NRG3: variants seen among roughly 807,000 people sequenced by gnomAD.
NRG3 encodes the protein pro-neuregulin-3, membrane-bound isoform.
In NRG3, 31 loss-of-function variants were observed where a neutral mutation model predicts 66.9. The ratio of observed to expected loss-of-function variants is 0.46; its 90% confidence interval spans 0.35 to 0.63. The LOEUF (loss-of-function observed/expected upper bound fraction) is 0.63, where lower values mean the gene tolerates loss of function less well. Among genes scored for constraint, NRG3 ranks in the 20% least tolerant of loss-of-function variants. The pLI is 0.00. For missense variants in NRG3, 910 were observed against 878.9 expected (o/e 1.04, Z -0.45); for synonymous variants, 393 against 359.4 (o/e 1.09, Z -1.06).
At chr10:82,231,298 A>T (rs1168583683) in intron 1 of NRG3, among the ~76,000 whole-genome samples, 3 of 151,760 alleles carry the variant, frequency 2.0e-5, no homozygotes, top group Non-Finnish European at 4.4e-5. Context: ...GCAGTGAGCC[A>T]TGATTGTGCC....
chr10:82,003,545 C>T (rs1015859474), intron 1 of NRG3, among the ~76,000 whole-genome samples: 3 of 152,242 alleles, frequency 2.0e-5, no homozygotes, highest in Admixed American at 1.3e-4. Context: ...GGAGACTGTA[C>T]TGTTTCAGAA....
At chr10:82,095,274 A>G (rs973738967) in intron 1 of NRG3, among the ~76,000 whole-genome samples, 3 of 145,540 alleles carry the variant, frequency 2.1e-5, no homozygotes, top group African/African-American at 5.2e-5. Flanking sequence ...CATGGGAGAA[A>G]AATAAGCTTT....
At chr10:82,304,264 T>C (rs2080583335) in intron 1 of NRG3, among the ~76,000 whole-genome samples, 1 of 152,224 alleles carries the variant, frequency 6.6e-6, no homozygotes, top group Admixed American at 6.5e-5. Context: ...TGGAATCTTT[T>C]CATATGTCTA....
At chr10:82,484,489 T>C (rs1486309614) in intron 2 of NRG3, among the ~76,000 whole-genome samples, 1 of 152,244 alleles carries the variant, frequency 6.6e-6, no homozygotes, top group Non-Finnish European at 1.5e-5. Context: ...TTGTCATTAC[T>C]GTTATTGTTT....
intron 7 of NRG3, among the ~76,000 whole-genome samples, chr10:82,978,738 C>T (rs1171177127): frequency 6.6e-6 from 1 of 152,144 alleles, no homozygotes; most frequent in African/African-American, 2.4e-5. Context: ...CAGGAACTTC[C>T]CTTTTTCTCA....
intron 1 of NRG3, among the ~76,000 whole-genome samples, chr10:82,100,037 T>C (rs1325974244): frequency 6.6e-6 from 1 of 151,506 alleles, no homozygotes; most frequent in South Asian, 2.1e-4. Flanking sequence ...TCTCCTGTTC[T>C]ATGAAGATGG....
At chr10:82,539,507 A>C (rs948026500) in intron 2 of NRG3, among the ~76,000 whole-genome samples, 1 of 152,200 alleles carries the variant, frequency 6.6e-6, no homozygotes, top group Non-Finnish European at 1.5e-5. Flanking sequence ...AAGTCAGGAC[A>C]ACCATACCTC....
chr10:82,349,954 G>C (rs1313219362), intron 1 of NRG3, among the ~76,000 whole-genome samples: 2 of 151,962 alleles, frequency 1.3e-5, no homozygotes, highest in African/African-American at 4.8e-5. Context: ...ACTGACCTGC[G>C]CCCACTGTCT....
intron 1 of NRG3, among the ~76,000 whole-genome samples, chr10:81,916,031 T>G (rs1845676776): frequency 6.6e-6 from 1 of 152,230 alleles, no homozygotes; most frequent in Admixed American, 6.5e-5. Context: ...TATTATCATT[T>G]CAACATGTAA....
intron 1 of NRG3, among the ~76,000 whole-genome samples, chr10:82,159,978 G>A (rs1170831611): frequency 1.3e-5 from 2 of 151,844 alleles, no homozygotes; most frequent in African/African-American, 4.8e-5. Flanking sequence ...AAGCCTTCAT[G>A]AATAAAGAAA....
chr10:82,409,781 C>T (rs764984726), intron 2 of NRG3, among the ~76,000 whole-genome samples: 24 of 152,106 alleles, frequency 1.6e-4, no homozygotes, highest in Non-Finnish European at 2.6e-4. Context: ...TGCAGTCAAA[C>T]ATTTTCTGGG....
intron 4 of NRG3, among the ~76,000 whole-genome samples, chr10:82,871,869 C>T (rs760675000): frequency 7.2e-5 from 11 of 151,862 alleles, no homozygotes; most frequent in Non-Finnish European, 1.5e-4. Flanking sequence ...GACAGTTTTA[C>T]CTCTTCCCTT....
chr10:82,878,524 G>A (rs368799405), intron 4 of NRG3, among the ~76,000 whole-genome samples: 1 of 152,320 alleles, frequency 6.6e-6, no homozygotes, highest in East Asian at 1.9e-4. Flanking sequence ...CATTTAGTCT[G>A]TGCCAGATTC....
At chr10:82,385,956 A>G (rs970187849) in intron 2 of NRG3, among the ~76,000 whole-genome samples, 1 of 152,172 alleles carries the variant, frequency 6.6e-6, no homozygotes, top group African/African-American at 2.4e-5. Flanking sequence ...AAAACTGCTA[A>G]ATACAAAAAA....
chr10:82,176,880 G>GACACACACACAC (rs142443398), intron 1 of NRG3, among the ~76,000 whole-genome samples: 3,002 of 146,178 alleles, frequency 0.021, 83 homozygotes, highest in African/African-American at 0.068. Flanking sequence ...TTTAAAACAA[G>GACACACACACAC]ACACACACAC....
chr10:82,618,276 G>A (rs944937101), intron 2 of NRG3, among the ~76,000 whole-genome samples: 5 of 150,348 alleles, frequency 3.3e-5, no homozygotes, highest in Non-Finnish European at 7.4e-5. Context: ...CAGATTGAAG[G>A]TGTGTGTGTG....
chr10:82,020,713 G>A (rs1269949607), intron 1 of NRG3, among the ~76,000 whole-genome samples: 1 of 152,084 alleles, frequency 6.6e-6, no homozygotes, highest in African/African-American at 2.4e-5. Flanking sequence ...ACTGTGCAGT[G>A]CCATTCAACC....
rs1263168621 is a variant in NRG3, at chr10:82,346,379, G to A, written c.824-12360G>A. On this transcript the variant is annotated intron_variant, in intron 1 of 8. Coordinates refer to ENST00000372141, the MANE Select transcript of NRG3 (RefSeq NM_001010848.4). ...TGCTCGATTATATTTATTGATTTGC[G>A]TATATTGAACCAGCCTTGCATCCCA... Among the ~76,000 whole-genome samples the A allele has an allele frequency of 2.1e-4, 29 of 140,514 alleles. 1 individual carries two copies. The highest frequency in any genetic ancestry group is 1.1e-3 in the East Asian group (5 of 4,694). The allele number at this position is 140,514 out of a possible 152,430, so 92.2% of individuals were successfully genotyped here. A position where few individuals can be genotyped will look rare whatever the true frequency, so the allele number is the denominator to read the frequency against.
chr10:82,057,948 T>C (rs1002703394), intron 1 of NRG3, among the ~76,000 whole-genome samples: 1 of 149,274 alleles, frequency 6.7e-6, no homozygotes, highest in African/African-American at 2.5e-5. Context: ...TGCTTACTCA[T>C]GTGGATTCTC....
Sources: gnomAD v4.1 joint callset for allele counts (sites outside exome capture counted in the v4.1 genomes callset) on GRCh38, gnomAD v4.1.1 for gene constraint, MANE v1.5 for transcripts, NCBI Gene and HGNC (gene_info 2026-07-23, HGNC 2026-07-21) for gene names.